The following AEBP2 variants were observed in gnomAD, a reference collection of about 807,000 sequenced individuals.
AEBP2 encodes zinc finger protein AEBP2.
Under a neutral mutation model 50.8 loss-of-function variants are expected in AEBP2, and 10 were observed. The observed-to-expected ratio is 0.20, with a 90% confidence interval of 0.12 to 0.33. The LOEUF (loss-of-function observed/expected upper bound fraction) is 0.33. Ranked by LOEUF, AEBP2 falls within the 10% of genes least tolerant of loss-of-function variation. The probability of loss-of-function intolerance (pLI) is 1.00; values close to 1 mark genes in which losing one functional copy is unlikely to be tolerated. For missense variants in AEBP2, 570 were observed against 688.0 expected, an observed-to-expected ratio of 0.83 and a Z score of 1.92; for synonymous variants, 296 against 261.3, an observed-to-expected ratio of 1.13 and a Z score of -1.28.
intron 1 of AEBP2, among the ~76,000 whole-genome samples, chr12:19,448,602 T>C (rs748413140): frequency 3.9e-5 from 6 of 152,202 alleles, no homozygotes; most frequent in Non-Finnish European, 7.3e-5. Context: ...TTCAACTTAA[T>C]GTGGAAATAC....
intron 3 of AEBP2, among the ~76,000 whole-genome samples, chr12:19,476,621 C>T (rs11044591): frequency 0.022 from 3,276 of 152,214 alleles, 42 homozygotes; most frequent in East Asian, 0.043. Context: ...GGATTACAGG[C>T]GTGAGTCACC....
chr12:19,452,467 AC>A (rs1398136740), intron 1 of AEBP2, among the ~76,000 whole-genome samples: 1 of 151,766 alleles, frequency 6.6e-6, no homozygotes, highest in Non-Finnish European at 1.5e-5. Flanking sequence ...AATAGTCATA[AC>A]CTGTAACAAG....
In AEBP2 at chr12:19,440,279, G is replaced by A. The variant is rs1235088402; in HGVS notation, c.580G>A (p.Gly194Ser). The stretch of plus-strand genomic sequence containing the variant: ...CGACGAGGGCTACGGGACTGGGGGA[G>A]GCGGAAGCAGCGCGACCTCCGGGGG... ...GGDEGYGTGG[G>S]GSSATSGGRR... The change falls in exon 1 of 8, where the codon GGC becomes AGC. Residue 194 changes from glycine (G) to serine (S), a missense_variant. Transcript: ENST00000266508. The A allele has an allele frequency of 6.8e-7, 1 of 1,466,640 alleles. No homozygotes were observed. Among genetic ancestry groups the A allele is most frequent in the Non-Finnish European group, 8.9e-7 (1 of 1,118,298 alleles). The allele number at this position is 1,466,640 out of a possible 1,614,324, so 90.9% of individuals were successfully genotyped here.
intron 3 of AEBP2, among the ~76,000 whole-genome samples, chr12:19,490,446 A>G (rs1948880385): frequency 6.6e-6 from 1 of 151,830 alleles, no homozygotes; most frequent in Admixed American, 6.6e-5. Context: ...CAGTGGCATG[A>G]TCTTGGCTCA....
chr12:19,419,612 AG>A (rs2095744508), intron 1 of AEBP2, among the ~76,000 whole-genome samples: 1 of 148,632 alleles, frequency 6.7e-6, no homozygotes, highest in African/African-American at 2.5e-5. Context: ...AAAAAAAAAA[AG>A]ATGGGAAAAA....
intron 5 of AEBP2, among the ~76,000 whole-genome samples, chr12:19,507,013 G>T (rs78955352): frequency 0.026 from 4,020 of 152,196 alleles, 87 homozygotes; most frequent in Middle Eastern, 0.054. Flanking sequence ...GGCATTCAGT[G>T]GCTCTGTCAC....
chr12:19,441,185 C>T (rs973142962), intron 1 of AEBP2, among the ~76,000 whole-genome samples: 7 of 152,076 alleles, frequency 4.6e-5, no homozygotes, highest in African/African-American at 1.2e-4. Context: ...TAAAGTCATG[C>T]ATTGGAGAGG....
intron 3 of AEBP2, among the ~76,000 whole-genome samples, chr12:19,478,944 AG>A (rs2153373566): frequency 6.6e-6 from 1 of 152,266 alleles, no homozygotes; most frequent in South Asian, 2.1e-4. Context: ...TATCCTGGCC[AG>A]GCATGGTAGG....
At chr12:19,460,115 G>C (rs954514817) in intron 1 of AEBP2, among the ~76,000 whole-genome samples, 1 of 152,090 alleles carries the variant, frequency 6.6e-6, no homozygotes, top group Non-Finnish European at 1.5e-5. Flanking sequence ...AGGCTGAGGT[G>C]GGAGGATCAC....
chr12:19,461,989 G>C (rs1026915839), intron 1 of AEBP2, among the ~76,000 whole-genome samples: 4 of 151,988 alleles, frequency 2.6e-5, no homozygotes, highest in African/African-American at 9.7e-5. Context: ...ATTTAGCTGG[G>C]AAAATACTGC....
intron 4 of AEBP2, among the ~76,000 whole-genome samples, chr12:19,499,471 G>T (rs962762403): frequency 6.6e-6 from 1 of 151,922 alleles, no homozygotes; most frequent in African/African-American, 2.4e-5. Flanking sequence ...AAAATCAGCC[G>T]GGCTTGGTGG....
intron 1 of AEBP2, among the ~76,000 whole-genome samples, chr12:19,458,240 C>T (rs1319249361): frequency 3.9e-5 from 6 of 152,110 alleles, no homozygotes; most frequent in Non-Finnish European, 8.8e-5. Flanking sequence ...CTTCATCAGT[C>T]GAGAGAATGG....
rs151074900 is a variant in AEBP2, at chr12:19,456,162, A to G, written c.672-6348A>G. 1,510 of 958,446 alleles carry G rather than the reference A, an allele frequency of 1.6e-3. 11 individuals carry two copies. Among genetic ancestry groups the G allele is most frequent in the African/African-American group, 0.014 (859 of 61,376 alleles). 59.4% of individuals were successfully genotyped at this position (958,446 alleles called of 1,614,324 possible). ...TAACCAGTCTTTTACTACTAAACTT[A>G]AATGGCCAATTGAAACAAACAGTTC... On this transcript the variant is annotated intron_variant, in intron 1 of 7. Transcript: ENST00000266508.
At chr12:19,483,292 C>T (rs970568156) in intron 3 of AEBP2, among the ~76,000 whole-genome samples, 3 of 152,118 alleles carry the variant, frequency 2.0e-5, no homozygotes, top group African/African-American at 7.2e-5. Context: ...ATATTTTGCA[C>T]GTTCCCTTAA....
chr12:19,481,773 C>G (rs1233657072), intron 3 of AEBP2, among the ~76,000 whole-genome samples: 1 of 152,158 alleles, frequency 6.6e-6, no homozygotes. Context: ...GCCACGGTGC[C>G]CAGCCTCCAG....
rs754418371 is a variant in AEBP2 at position 19,493,886 on chromosome 12, C to G, written c.1074C>G (p.Ser358=). Residue 358 remains serine, a synonymous_variant, in exon 4 of 8, where the codon TCC becomes TCG. Transcript: ENST00000266508. ...CCACACACTTCAGTCAGCAGAACTC[C>G]TCAAAAGTTTCTAGCCAGCCAAAGG... is the stretch of plus-strand genomic sequence containing the variant. ...HVPTHFSQQN[S]SKVSSQPKAK... is the part of the protein sequence containing the mutation. 5.6e-6 allele frequency: 9 copies of G among 1,613,766 alleles called. No individual in the cohort carries two copies. Among genetic ancestry groups the G allele is most frequent in the Non-Finnish European group, 7.6e-6 (9 of 1,179,862 alleles).
intron 1 of AEBP2, among the ~76,000 whole-genome samples, chr12:19,450,018 T>C (rs951017329): frequency 6.6e-5 from 10 of 152,136 alleles, no homozygotes; most frequent in African/African-American, 9.7e-5. Context: ...AACACACAGA[T>C]GTAATAAAAT....
rs1026941217 is a variant in AEBP2, at chr12:19,518,794, A to G, written c.*677A>G. 7.5e-7 allele frequency: 1 copy of G among 1,332,302 alleles called. No homozygotes were observed. 82.5% of individuals were successfully genotyped at this position (1,332,302 alleles called of 1,614,324 possible). ...AATTACTGTTAAAGAGTGTTGCAGT[A>G]TGTCTGGTGGCTCCCTTTTCAGGAC... is the stretch of plus-strand genomic sequence containing the variant. On this transcript the variant is annotated 3_prime_UTR_variant, in exon 8 of 8. Transcript: ENST00000266508.
chr12:19,489,473 A>C (rs1948863622), intron 3 of AEBP2, among the ~76,000 whole-genome samples: 1 of 152,208 alleles, frequency 6.6e-6, no homozygotes, highest in South Asian at 2.1e-4. Context: ...ATTATAATTC[A>C]AGATGAGATT....
Sources: allele counts gnomAD v4.1 joint callset (sites outside exome capture counted in the v4.1 genomes callset), GRCh38; gene constraint gnomAD v4.1.1; transcripts MANE v1.5; gene names NCBI Gene and HGNC (gene_info 2026-07-23, HGNC 2026-07-21).